Variants in PDE4D observed in about 807,000 individuals in gnomAD.
PDE4D encodes 3',5'-cyclic-AMP phosphodiesterase 4D.
Under a neutral mutation model 87.4 loss-of-function variants are expected in PDE4D, and 24 were observed. The observed-to-expected ratio is 0.27, with a 90% CI of 0.20 to 0.39. PDE4D has a LOEUF of 0.39. Ranked by LOEUF, PDE4D falls within the 10% of genes least tolerant of loss-of-function variation. PDE4D has a pLI of 1.00. For synonymous variants in PDE4D, 384 were observed against 383.2 expected (o/e 1.00, Z -0.02); for missense variants, 714 against 1,041.0 (o/e 0.69, Z 4.32).
intron 2 of PDE4D, among the ~76,000 whole-genome samples, chr5:60,120,226 G>A (rs1479518358): frequency 2.0e-5 from 3 of 152,112 alleles, no homozygotes; most frequent in African/African-American, 4.8e-5. Flanking sequence ...ATGTTTTCAA[G>A]ACAAGTGAAG....
chr5:59,327,020 C>A (rs1203426668), intron 1 of PDE4D, among the ~76,000 whole-genome samples: 1 of 151,890 alleles, frequency 6.6e-6, no homozygotes, highest in Non-Finnish European at 1.5e-5. Flanking sequence ...TAACCATCTT[C>A]CACCTTTTTT....
intron 1 of PDE4D, among the ~76,000 whole-genome samples, chr5:59,585,080 G>T (rs907159401): frequency 1.3e-5 from 2 of 152,122 alleles, no homozygotes; most frequent in Non-Finnish European, 2.9e-5. Context: ...GGCCACCGAG[G>T]TTTGCAGGCA....
intron 1 of PDE4D, among the ~76,000 whole-genome samples, chr5:59,235,285 G>A (rs958410588): frequency 2.0e-5 from 3 of 152,140 alleles, no homozygotes; most frequent in African/African-American, 7.2e-5. Flanking sequence ...CCTGTCCTGG[G>A]TGAGACAAAA....
intron 1 of PDE4D, among the ~76,000 whole-genome samples, chr5:59,522,217 G>T (rs908194231): frequency 6.6e-6 from 1 of 152,128 alleles, no homozygotes; most frequent in Non-Finnish European, 1.5e-5. Context: ...TTAAATACTT[G>T]TTCTTGAACT....
intron 1 of PDE4D, among the ~76,000 whole-genome samples, chr5:59,589,242 T>C (rs1825600474): frequency 6.6e-6 from 1 of 152,228 alleles, no homozygotes; most frequent in African/African-American, 2.4e-5. Flanking sequence ...GTAATCATAA[T>C]AATACCACCT....
At chr5:60,124,944 A>G (rs1779000640) in intron 2 of PDE4D, among the ~76,000 whole-genome samples, 1 of 152,142 alleles carries the variant, frequency 6.6e-6, no homozygotes, top group African/African-American at 2.4e-5. Flanking sequence ...GTAAAACACT[A>G]TCTTCATTGA....
intron 2 of PDE4D, among the ~76,000 whole-genome samples, chr5:60,158,406 T>C (rs1782177540): frequency 6.6e-6 from 1 of 152,098 alleles, no homozygotes; most frequent in East Asian, 1.9e-4. Flanking sequence ...AAGATAAAAA[T>C]ATACCTGTAG....
chr5:59,430,498 G>C (rs1209378403), intron 1 of PDE4D: 1 of 1,120,284 alleles, frequency 8.9e-7, no homozygotes, highest in East Asian at 3.2e-5. Context: ...GAACATGTCA[G>C]ATAATAGATT....
At chr5:60,345,488 C>A in intron 1 of PDE4D, among the ~76,000 whole-genome samples, 1 of 144,898 alleles carries the variant, frequency 6.9e-6, no homozygotes, top group South Asian at 2.2e-4. Flanking sequence ...AAGTAAGAAG[C>A]AATGAAAAGA....
At chr5:60,365,680 T>C (rs928212593) in intron 1 of PDE4D, among the ~76,000 whole-genome samples, 8 of 152,200 alleles carry the variant, frequency 5.3e-5, no homozygotes, top group African/African-American at 1.4e-4. Flanking sequence ...TTACAACATT[T>C]CTTGAACTTT....
At chr5:59,643,999 T>A (rs1490034761) in intron 1 of PDE4D, among the ~76,000 whole-genome samples, 1 of 152,162 alleles carries the variant, frequency 6.6e-6, no homozygotes, top group African/African-American at 2.4e-5. Context: ...AAGAGAGATG[T>A]AATAATGCAT....
At chr5:59,611,100 A>C (rs1479417327) in intron 1 of PDE4D, among the ~76,000 whole-genome samples, 2 of 152,168 alleles carry the variant, frequency 1.3e-5, no homozygotes, top group Non-Finnish European at 2.9e-5. Context: ...GGCTGCTATA[A>C]CAAAATACCT....
intron 1 of PDE4D, among the ~76,000 whole-genome samples, chr5:59,369,322 C>T (rs1783583164): frequency 6.6e-6 from 1 of 152,062 alleles, no homozygotes; most frequent in African/African-American, 2.4e-5. Flanking sequence ...TATCTCCATC[C>T]CTGACATTTT....
At chr5:60,084,701 G>A (rs1774345236) in intron 2 of PDE4D, among the ~76,000 whole-genome samples, 1 of 152,214 alleles carries the variant, frequency 6.6e-6, no homozygotes, top group South Asian at 2.1e-4. Flanking sequence ...ATTCTATTAA[G>A]TAACTGTTAA....
At chr5:60,185,784 TCATCG>T (rs1784727041) in intron 1 of PDE4D, 1 of 477,902 alleles carries the variant, frequency 2.1e-6, no homozygotes, top group East Asian at 3.1e-5. Context: ...CTTAAATAAT[TCATCG>T]GAACAGGCTA....
At chr5:60,333,813 C>A (rs931074929) in intron 1 of PDE4D, among the ~76,000 whole-genome samples, 1 of 152,060 alleles carries the variant, frequency 6.6e-6, no homozygotes, top group Non-Finnish European at 1.5e-5. Context: ...TTTCCACAAG[C>A]AAACTTCAGG....
intron 1 of PDE4D, among the ~76,000 whole-genome samples, chr5:59,358,911 C>T (rs920039919): frequency 2.0e-5 from 3 of 152,106 alleles, no homozygotes; most frequent in Non-Finnish European, 4.4e-5. Context: ...TTTATGTATA[C>T]GACTTTGGAA....
rs551563812 is a variant in PDE4D, at chr5:60,289,666, C to T, written c.-89-103979G>A. Reference sequence around the variant, plus strand: ...AAATGTTTAAAGCTCAGTTAAAATGCAAATTAACAGTAGACAATGTAGCAA... The same window carrying T: ...AAATGTTTAAAGCTCAGTTAAAATGTAAATTAACAGTAGACAATGTAGCAA... On this transcript the variant is annotated intron_variant, in intron 1 of 16. Transcript: ENST00000502484. Among the ~76,000 whole-genome samples, 3 of 152,208 alleles carry T rather than the reference C, an allele frequency of 2.0e-5. No individual in the cohort carries two copies. In the East Asian group the frequency reaches 5.8e-4, roughly 29 times the overall value.
chr5:59,069,192 C>A (rs774721665), intron 5 of PDE4D, among the ~76,000 whole-genome samples: 1 of 152,130 alleles, frequency 6.6e-6, no homozygotes, highest in Non-Finnish European at 1.5e-5. Context: ...ATCCATCTTC[C>A]TCCTTATACC....
Sources: allele counts gnomAD v4.1 joint callset (sites outside exome capture counted in the v4.1 genomes callset), GRCh38; gene constraint gnomAD v4.1.1; transcripts MANE v1.5; gene names NCBI Gene and HGNC (gene_info 2026-07-23, HGNC 2026-07-21).